BRI3BP: variants seen among roughly 807,000 people sequenced by gnomAD.
BRI3BP encodes the protein BRI3 binding protein.
In BRI3BP, 7 loss-of-function variants were observed where a neutral mutation model predicts 15.8. The ratio of observed to expected loss-of-function variants is 0.44; its 90% CI spans 0.25 to 0.83. The LOEUF (loss-of-function observed/expected upper bound fraction) is 0.83, where lower values mean the gene tolerates loss of function less well. Ranked by LOEUF, BRI3BP falls within the 40% of genes least tolerant of loss-of-function variation. BRI3BP has a pLI of 0.20. For missense variants in BRI3BP, 320 were observed against 339.3 expected, an observed-to-expected ratio of 0.94 and a Z score of 0.45; for synonymous variants, 192 against 163.5, an observed-to-expected ratio of 1.17 and a Z score of -1.33.
rs1955390742 is a variant in BRI3BP, at chr12:125,029,558, G to GTATATATACATATATATACATATA, written c.*4136_*4137insCATATATATACATATATATATATA. On this transcript the variant is annotated 3_prime_UTR_variant, in exon 3 of 3. Coordinates refer to ENST00000341446, the MANE Select transcript of BRI3BP (RefSeq NM_080626.6). ...AAAAAAAAAAAAAGTGTGTGTGTGT[G>GTATATATACATATATATACATATA]TATATATATGTATATATATATACAC... The GTATATATACATATATATACATATA allele has an allele frequency of 7.1e-6, 1 of 140,554 alleles. No homozygotes were observed. The highest frequency in any genetic ancestry group is 2.2e-4 in the South Asian group (1 of 4,586). The allele number at this position is 140,554 out of a possible 1,614,324, so 8.7% of individuals were successfully genotyped here.
intron 2 of BRI3BP, among the ~76,000 whole-genome samples, chr12:125,022,442 T>G (rs1185085286): frequency 6.6e-6 from 1 of 152,160 alleles, no homozygotes; most frequent in Non-Finnish European, 1.5e-5. Context: ...CGCTGGGTCC[T>G]GGTGAGGGTT....
At chr12:125,015,823 G>A (rs186122909) in intron 2 of BRI3BP, among the ~76,000 whole-genome samples, 33 of 152,334 alleles carry the variant, frequency 2.2e-4, no homozygotes, top group African/African-American at 7.7e-4. Flanking sequence ...TGTGCACCTG[G>A]CAGCCCCCTG....
intron 1 of BRI3BP, among the ~76,000 whole-genome samples, chr12:124,994,275 C>T (rs1303066018): frequency 6.6e-6 from 1 of 152,034 alleles, no homozygotes; most frequent in African/African-American, 2.4e-5. Flanking sequence ...GCCAGAGTCT[C>T]TCCCGGCTGC....
At chr12:125,018,594 C>T (rs932155834) in intron 2 of BRI3BP, among the ~76,000 whole-genome samples, 6 of 152,090 alleles carry the variant, frequency 3.9e-5, no homozygotes, top group Non-Finnish European at 7.4e-5. Context: ...CACCCTCGAG[C>T]CTCTGGAGCC....
chr12:125,005,302 C>T (rs1955131914), intron 1 of BRI3BP, among the ~76,000 whole-genome samples: 1 of 152,208 alleles, frequency 6.6e-6, no homozygotes, highest in Non-Finnish European at 1.5e-5. Flanking sequence ...TGATTTAAGT[C>T]ACTTTTAATT....
At chr12:125,044,301 C>T in the BRI3BP span, among the ~76,000 whole-genome samples, 1,413 of 152,006 alleles carry the variant, frequency 9.3e-3, 13 homozygotes, top group African/African-American at 0.033. Flanking sequence ...TACAGGCATG[C>T]GCCACCATGC....
chr12:124,996,079 A>G (rs1178520090), intron 1 of BRI3BP, among the ~76,000 whole-genome samples: 1 of 151,904 alleles, frequency 6.6e-6, no homozygotes, highest in African/African-American at 2.4e-5. Flanking sequence ...ATGCCTGGCT[A>G]AGTTTTGTAT....
rs1043788303 is a variant in BRI3BP, at chr12:125,030,686, A to G, written c.*5256A>G. Reference sequence around the variant, plus strand: ...ATTTAAAGGTTTTATTGTAGTGTCCATTTAATATCTGCATGTGTGTTTAAT... The same window carrying G: ...ATTTAAAGGTTTTATTGTAGTGTCCGTTTAATATCTGCATGTGTGTTTAAT... On this transcript the variant is annotated 3_prime_UTR_variant, in exon 3 of 3. Coordinates refer to ENST00000341446, the MANE Select transcript of BRI3BP (RefSeq NM_080626.6). 2 of 152,234 alleles carry G rather than the reference A, an allele frequency of 1.3e-5. No individual in the cohort carries two copies. The highest frequency in any genetic ancestry group is 2.9e-5 in the Non-Finnish European group (2 of 68,036). 9.4% of individuals were successfully genotyped at this position (152,234 alleles called of 1,614,324 possible).
At chr12:125,032,134 C>T (rs1393734983), downstream of BRI3BP, among the ~76,000 whole-genome samples, 1 of 152,066 alleles carries the variant, frequency 6.6e-6, no homozygotes, top group Non-Finnish European at 1.5e-5. Flanking sequence ...TGAGGAGGGG[C>T]AGCTCATTTG....
chr12:125,011,629 A>C (rs1343855409), intron 1 of BRI3BP, among the ~76,000 whole-genome samples: 1 of 152,184 alleles, frequency 6.6e-6, no homozygotes, highest in Non-Finnish European at 1.5e-5. Context: ...GGGGGATTCC[A>C]GTTGCCAGGA....
intron 1 of BRI3BP, among the ~76,000 whole-genome samples, chr12:125,005,974 G>A (rs1955140008): frequency 6.6e-6 from 1 of 152,112 alleles, no homozygotes; most frequent in Admixed American, 6.6e-5. Context: ...TGCCAGGGTT[G>A]CTTTCTCCTG....
chr12:125,034,421 A>G (rs146184681), downstream of BRI3BP, among the ~76,000 whole-genome samples: 63 of 152,328 alleles, frequency 4.1e-4, no homozygotes, highest in African/African-American at 1.5e-3. Context: ...CACATGTTTG[A>G]ATGTAACTTG....
intron 1 of BRI3BP, among the ~76,000 whole-genome samples, chr12:125,006,842 G>A (rs1955148385): frequency 6.6e-6 from 1 of 152,148 alleles, no homozygotes; most frequent in Admixed American, 6.6e-5. Context: ...GCATTTTAAA[G>A]GCCTGCTACT....
At chr12:125,041,043 T>G in the BRI3BP span, among the ~76,000 whole-genome samples, 1 of 145,964 alleles carries the variant, frequency 6.9e-6, no homozygotes, top group African/African-American at 2.6e-5. Flanking sequence ...TCCTTGTTAT[T>G]TTTTATTTTT....
At chr12:124,995,843 T>A (rs946380028) in intron 1 of BRI3BP, among the ~76,000 whole-genome samples, 1 of 152,222 alleles carries the variant, frequency 6.6e-6, no homozygotes, top group African/African-American at 2.4e-5. Flanking sequence ...ATCTCTCGCC[T>A]GTTTTCCTGC....
rs756773728 is a variant in BRI3BP, at chr12:125,012,404, C to A, written c.214-130C>A. On this transcript the variant is annotated intron_variant, in intron 1 of 2. Transcript: ENST00000341446. The stretch of plus-strand genomic sequence containing the variant: ...GTCAATCCCCTGGGCCAGTAGTCCA[C>A]ATGTGTGGTATTCATCATGGGCTCA... The A allele has an allele frequency of 6.0e-5, 44 of 731,600 alleles. 1 individual carries two copies. Among genetic ancestry groups the A allele is most frequent in the Non-Finnish European group, 1.1e-4 (43 of 408,422 alleles). 45.3% of individuals were successfully genotyped at this position (731,600 alleles called of 1,614,324 possible).
the BRI3BP span, among the ~76,000 whole-genome samples, chr12:125,037,548 A>T: frequency 6.6e-6 from 1 of 151,124 alleles, no homozygotes; most frequent in Non-Finnish European, 1.5e-5. Context: ...ACGGTGGCTC[A>T]CGCCTGTAAT....
At chr12:125,003,126 C>T (rs1594528521) in intron 1 of BRI3BP, among the ~76,000 whole-genome samples, 1 of 152,354 alleles carries the variant, frequency 6.6e-6, no homozygotes, top group African/African-American at 2.4e-5. Flanking sequence ...CGTCCCCTCT[C>T]CCTGGCTTGC....
the BRI3BP span, among the ~76,000 whole-genome samples, chr12:125,049,747 A>C: frequency 1.3e-5 from 2 of 152,228 alleles, no homozygotes; most frequent in East Asian, 3.9e-4. Context: ...CCGATCTTCC[A>C]GACGCGGAGG....
Sources: gnomAD v4.1 joint callset for allele counts (sites outside exome capture counted in the v4.1 genomes callset) on GRCh38, gnomAD v4.1.1 for gene constraint, MANE v1.5 for transcripts, NCBI Gene and HGNC (gene_info 2026-07-23, HGNC 2026-07-21) for gene names.